Variants in CNIH3 observed in about 807,000 individuals in gnomAD.
CNIH3 encodes the protein cornichon family AMPA receptor auxiliary protein 3.
CNIH3 carries 14 observed loss-of-function variants against 24.1 expected under a neutral mutation model. The ratio of observed to expected loss-of-function variants is 0.58; its 90% confidence interval spans 0.38 to 0.91. The LOEUF is 0.91. CNIH3 is among the 40% of genes least tolerant of loss of function. The pLI is 0.00. For synonymous variants in CNIH3, 68 were observed against 73.8 expected (o/e 0.92, Z 0.40); for missense variants, 178 against 196.8 (o/e 0.90, Z 0.57).
intron 3 of CNIH3, among the ~76,000 whole-genome samples, chr1:224,710,132 T>A (rs1218704883): frequency 2.0e-5 from 3 of 152,238 alleles, no homozygotes; most frequent in African/African-American, 7.2e-5. Context: ...GTAATTTAAA[T>A]AGTAGAAAGT....
rs74146265 is a variant in CNIH3 at position 224,730,298 on chromosome 1, C to G, written c.199-164C>G. The G allele has an allele frequency of 5.4e-3, 3,058 of 564,218 alleles. 79 individuals are homozygous for G. Among genetic ancestry groups the G allele is most frequent in the African/African-American group, 0.051 (2,709 of 53,494 alleles). The allele number at this position is 564,218 out of a possible 1,614,324, so 35.0% of individuals were successfully genotyped here. On this transcript the variant is annotated intron_variant, in intron 3 of 5. Transcript: ENST00000272133. ...GAGTGCCATAAAAAGAAGAACTTAC[C>G]AGAAATGGATCTGTGTTGGGGCAGT...
At chr1:224,709,630 G>T (rs1224708439) in intron 3 of CNIH3, among the ~76,000 whole-genome samples, 3 of 152,216 alleles carry the variant, frequency 2.0e-5, no homozygotes, top group Non-Finnish European at 2.9e-5. Context: ...GAAAGAGGAT[G>T]CCTGCAGTTT....
At chr1:224,457,181 A>G (rs908285517) in intron 1 of CNIH3, among the ~76,000 whole-genome samples, 1 of 152,032 alleles carries the variant, frequency 6.6e-6, no homozygotes, top group Admixed American at 6.6e-5. Context: ...TGAGTAAGAG[A>G]TGGTGGTGGT....
intron 1 of CNIH3, among the ~76,000 whole-genome samples, chr1:224,663,541 A>G (rs1442732122): frequency 6.6e-6 from 1 of 152,184 alleles, no homozygotes; most frequent in African/African-American, 2.4e-5. Context: ...GTTTGGACCC[A>G]CAAAACATAC....
chr1:224,543,693 C>T (rs1300048614), intron 2 of CNIH3, among the ~76,000 whole-genome samples: 1 of 152,178 alleles, frequency 6.6e-6, no homozygotes, highest in Non-Finnish European at 1.5e-5. Flanking sequence ...CCTTGCCAGA[C>T]TTGCTTCCTG....
chr1:224,686,631 A>G (rs749586827), intron 3 of CNIH3, among the ~76,000 whole-genome samples: 5 of 152,218 alleles, frequency 3.3e-5, no homozygotes, highest in Non-Finnish European at 7.3e-5. Flanking sequence ...TTTGCCTTTC[A>G]GACTCCAAGT....
chr1:224,463,567 C>T (rs940014894), intron 1 of CNIH3, among the ~76,000 whole-genome samples: 7 of 151,580 alleles, frequency 4.6e-5, no homozygotes, highest in South Asian at 4.2e-4. Flanking sequence ...CCACCATGCC[C>T]GGCTAATTTT....
chr1:224,468,665 A>G (rs1188216089), intron 1 of CNIH3, among the ~76,000 whole-genome samples: 2 of 152,164 alleles, frequency 1.3e-5, no homozygotes, highest in East Asian at 3.8e-4. Context: ...TGCATAGGCT[A>G]GAACTTTCAG....
At chr1:224,516,082 C>T (rs1036177629) in intron 1 of CNIH3, among the ~76,000 whole-genome samples, 4 of 151,760 alleles carry the variant, frequency 2.6e-5, no homozygotes, top group Non-Finnish European at 2.9e-5. Flanking sequence ...TTTGGGAGGC[C>T]GAGGTGGGCA....
chr1:224,553,070 C>G (rs890792544), intron 3 of CNIH3, among the ~76,000 whole-genome samples: 2 of 149,526 alleles, frequency 1.3e-5, no homozygotes, highest in African/African-American at 4.9e-5. Flanking sequence ...ACAGGGTGTA[C>G]ACCCACTGTG....
chr1:224,586,629 G>A (rs568101547), intron 5 of CNIH3, among the ~76,000 whole-genome samples: 45 of 152,272 alleles, frequency 3.0e-4, no homozygotes, highest in African/African-American at 5.8e-4. Context: ...TGTGTATAGC[G>A]GGTTGAACAG....
chr1:224,510,620 CA>C (rs199888462), intron 1 of CNIH3, among the ~76,000 whole-genome samples: 1 of 136,588 alleles, frequency 7.3e-6, no homozygotes, highest in African/African-American at 2.7e-5. Context: ...AAAAAAAAAA[CA>C]AAAAAAAGAA....
intron 1 of CNIH3, among the ~76,000 whole-genome samples, chr1:224,626,496 T>G (rs1396418766): frequency 6.6e-6 from 1 of 152,092 alleles, no homozygotes; most frequent in Non-Finnish European, 1.5e-5. Flanking sequence ...AACAAAAAAC[T>G]AAAAAATATA....
At chr1:224,659,404 T>A (rs1469727640) in intron 1 of CNIH3, among the ~76,000 whole-genome samples, 1 of 152,196 alleles carries the variant, frequency 6.6e-6, no homozygotes, top group Non-Finnish European at 1.5e-5. Flanking sequence ...GAGATAGAAA[T>A]TCTCTTAGTA....
chr1:224,438,263 G>A (rs1188045518), intron 1 of CNIH3, among the ~76,000 whole-genome samples: 2 of 147,092 alleles, frequency 1.4e-5, no homozygotes, highest in Non-Finnish European at 3.0e-5. Context: ...TCATTATGTT[G>A]CCCAGGCTGG....
At chr1:224,672,039 A>G (rs1158821382) in intron 1 of CNIH3, among the ~76,000 whole-genome samples, 1 of 152,150 alleles carries the variant, frequency 6.6e-6, no homozygotes, top group African/African-American at 2.4e-5. Flanking sequence ...CTCATCTCTC[A>G]TTTTTTTCCT....
chr1:224,496,753 A>AAT (rs566945255), intron 1 of CNIH3, among the ~76,000 whole-genome samples: 78 of 152,322 alleles, frequency 5.1e-4, no homozygotes, highest in Admixed American at 1.0e-3. Context: ...TCATGGTGGG[A>AAT]ATACTGCAAA....
intron 1 of CNIH3, among the ~76,000 whole-genome samples, chr1:224,636,586 T>A (rs1374505977): frequency 2.0e-5 from 3 of 152,220 alleles, no homozygotes; most frequent in Non-Finnish European, 1.5e-5. Context: ...TAAAATGAGT[T>A]CCTTTAAGGA....
At chr1:224,523,414 A>G (rs1318009269) in intron 2 of CNIH3, among the ~76,000 whole-genome samples, 3 of 152,224 alleles carry the variant, frequency 2.0e-5, no homozygotes, top group African/African-American at 7.2e-5. Context: ...AATCTTGCAG[A>G]TATAATTTTG....
Sources: allele counts gnomAD v4.1 joint callset (sites outside exome capture counted in the v4.1 genomes callset), GRCh38; gene constraint gnomAD v4.1.1; transcripts MANE v1.5; gene names NCBI Gene and HGNC (gene_info 2026-07-23, HGNC 2026-07-21).